Variants in CNTN5 observed in about 807,000 individuals in gnomAD.
CNTN5 encodes contactin 5, also known as contactin-5.
Under a neutral mutation model 129.1 loss-of-function variants are expected in CNTN5, and 77 were observed. The ratio of observed to expected loss-of-function variants is 0.60; its 90% CI spans 0.50 to 0.72. The LOEUF (loss-of-function observed/expected upper bound fraction) is 0.72, where lower values mean the gene tolerates loss of function less well. CNTN5 is among the 30% of genes least tolerant of loss of function. The probability of loss-of-function intolerance (pLI) is 0.00; values close to 1 mark genes in which losing one functional copy is unlikely to be tolerated. For missense variants in CNTN5, 1,478 were observed against 1,328.8 expected (o/e 1.11, Z -1.75); for synonymous variants, 509 against 465.6 (o/e 1.09, Z -1.20).
intron 2 of CNTN5, among the ~76,000 whole-genome samples, chr11:99,537,239 C>G (rs1487758275): frequency 1.3e-5 from 2 of 152,104 alleles, no homozygotes; most frequent in Admixed American, 6.6e-5. Context: ...ATTAAGAAAT[C>G]TAACTTGAGA....
At chr11:99,477,030 T>G (rs2135296396) in intron 2 of CNTN5, among the ~76,000 whole-genome samples, 1 of 152,128 alleles carries the variant, frequency 6.6e-6, no homozygotes. Flanking sequence ...TAAAAAAAAT[T>G]TATCCATTTT....
intron 3 of CNTN5, among the ~76,000 whole-genome samples, chr11:99,667,314 T>C (rs572874036): frequency 5.3e-5 from 8 of 150,190 alleles, no homozygotes; most frequent in African/African-American, 1.7e-4. Context: ...ATTTTGTAAA[T>C]AGCTTTTCAG....
chr11:100,047,139 GA>G (rs1942724067), intron 9 of CNTN5, among the ~76,000 whole-genome samples: 1 of 151,686 alleles, frequency 6.6e-6, no homozygotes, highest in Non-Finnish European at 1.5e-5. Flanking sequence ...GAAAAACTAA[GA>G]AAAACTAGTA....
chr11:99,610,797 T>C (rs893848017), intron 3 of CNTN5, among the ~76,000 whole-genome samples: 3 of 152,020 alleles, frequency 2.0e-5, no homozygotes, highest in Admixed American at 2.0e-4. Flanking sequence ...TGGGAGCAAG[T>C]GTGAGAGATT....
chr11:99,312,075 T>G (rs755956660), intron 1 of CNTN5, among the ~76,000 whole-genome samples: 1 of 152,186 alleles, frequency 6.6e-6, no homozygotes, highest in Non-Finnish European at 1.5e-5. Flanking sequence ...GTGACTGGGT[T>G]GCATCACGTG....
chr11:99,972,110 AATT>A (rs1189175746), intron 8 of CNTN5, among the ~76,000 whole-genome samples: 1 of 134,964 alleles, frequency 7.4e-6, no homozygotes, highest in East Asian at 2.0e-4. Context: ...AAAAAAAAAA[AATT>A]AGCCGGGCGT....
At chr11:99,817,421 G>A (rs1946624411) in intron 3 of CNTN5, among the ~76,000 whole-genome samples, 2 of 152,128 alleles carry the variant, frequency 1.3e-5, no homozygotes, top group Admixed American at 1.3e-4. Flanking sequence ...GTACCACTTA[G>A]TATTTGGTTA....
chr11:100,149,373 T>G (rs920348172), intron 13 of CNTN5, among the ~76,000 whole-genome samples: 3 of 152,158 alleles, frequency 2.0e-5, no homozygotes, highest in Non-Finnish European at 4.4e-5. Context: ...TGAATCAATA[T>G]CTGTCTTCAA....
intron 13 of CNTN5, among the ~76,000 whole-genome samples, chr11:100,153,975 T>G (rs1353865102): frequency 6.6e-6 from 1 of 152,092 alleles, no homozygotes; most frequent in Non-Finnish European, 1.5e-5. Context: ...TACTTAGTAA[T>G]TTAATTATAT....
chr11:100,283,874 A>C (rs1427303742), intron 18 of CNTN5, among the ~76,000 whole-genome samples: 1 of 152,276 alleles, frequency 6.6e-6, no homozygotes, highest in East Asian at 1.9e-4. Context: ...TGAACCCAGG[A>C]GGCAGAGATT....
intron 1 of CNTN5, among the ~76,000 whole-genome samples, chr11:99,262,492 C>G (rs532020915): frequency 6.6e-6 from 1 of 151,794 alleles, no homozygotes; most frequent in Non-Finnish European, 1.5e-5. Context: ...AGGAGGACAG[C>G]TTTTATTTTG....
rs558064586 is a variant in CNTN5, at chr11:99,619,764, A to C, written c.55+63495A>C. 4.4e-3 allele frequency among the ~76,000 whole-genome samples: 668 copies of C among 152,092 alleles called. 18 individuals carry two copies. Among genetic ancestry groups the C allele is most frequent in the East Asian group, 5.8e-3 (30 of 5,152 alleles). On this transcript the variant is annotated intron_variant, in intron 3 of 24. Coordinates refer to ENST00000524871, the MANE Select transcript of CNTN5 (RefSeq NM_014361.4). ...CAAAGCTGTCGGGCGTGGTGGCTCAAGCCTGTAATCCCAGCACTTTGGGAG... is the reference window on the plus strand; with the variant it reads ...CAAAGCTGTCGGGCGTGGTGGCTCACGCCTGTAATCCCAGCACTTTGGGAG...
At chr11:99,206,888 C>A (rs542725039) in intron 1 of CNTN5, among the ~76,000 whole-genome samples, 1 of 152,022 alleles carries the variant, frequency 6.6e-6, no homozygotes, top group Admixed American at 6.6e-5. Flanking sequence ...AAGTAAACCC[C>A]AAAAAGCAAA....
intron 3 of CNTN5, among the ~76,000 whole-genome samples, chr11:99,783,126 A>G (rs1189454112): frequency 1.3e-5 from 1 of 79,898 alleles, no homozygotes; most frequent in African/African-American, 4.8e-5. Flanking sequence ...CAAATTTACA[A>G]GAAAAAAACA....
At chr11:99,482,237 C>T (rs559916208) in intron 2 of CNTN5, among the ~76,000 whole-genome samples, 1 of 152,246 alleles carries the variant, frequency 6.6e-6, no homozygotes, top group African/African-American at 2.4e-5. Context: ...TGTAACCAAA[C>T]AAGTTAGGCA....
chr11:100,291,975 A>C (rs1950992266), intron 18 of CNTN5, among the ~76,000 whole-genome samples: 1 of 151,850 alleles, frequency 6.6e-6, no homozygotes, highest in Non-Finnish European at 1.5e-5. Context: ...GCCTCAAATA[A>C]ATCCTAAGCA....
intron 1 of CNTN5, among the ~76,000 whole-genome samples, chr11:99,211,034 T>C (rs1342822319): frequency 6.6e-6 from 1 of 152,148 alleles, no homozygotes; most frequent in Non-Finnish European, 1.5e-5. Flanking sequence ...ATTCTTTAGT[T>C]TCATTTTAAT....
At chr11:99,209,053 TA>T (rs1343169430) in intron 1 of CNTN5, among the ~76,000 whole-genome samples, 2 of 152,158 alleles carry the variant, frequency 1.3e-5, no homozygotes, top group African/African-American at 4.8e-5. Flanking sequence ...GTTGCAAATA[TA>T]AAATCTATTT....
chr11:99,520,485 A>C (rs549248319), intron 2 of CNTN5, among the ~76,000 whole-genome samples: 2 of 152,246 alleles, frequency 1.3e-5, no homozygotes, highest in South Asian at 4.1e-4. Flanking sequence ...TAAACTTCTT[A>C]TTAAAGCCAA....
Sources: gnomAD v4.1 joint callset for allele counts (sites outside exome capture counted in the v4.1 genomes callset) on GRCh38, gnomAD v4.1.1 for gene constraint, MANE v1.5 for transcripts, NCBI Gene and HGNC (gene_info 2026-07-23, HGNC 2026-07-21) for gene names.